STYXL2: variants seen among roughly 807,000 people sequenced by gnomAD.
The protein encoded by STYXL2 is serine/threonine/tyrosine interacting like 2, also known as serine/threonine/tyrosine-interacting-like protein 2.
A neutral mutation model predicts 52.4 loss-of-function variants in STYXL2; 44 were observed. That is an observed-to-expected ratio of 0.84 (90% CI 0.66 to 1.08). STYXL2 has a LOEUF of 1.08. Among genes scored for constraint, STYXL2 ranks in the 50% least tolerant of loss-of-function variants. The pLI is 0.00. For synonymous variants in STYXL2, 604 were observed against 586.9 expected (o/e 1.03, Z -0.42); for missense variants, 1,604 against 1,471.7 (o/e 1.09, Z -1.47).
chr1:167,117,209 G>A, intron 3 of STYXL2, 119 bp from the exon 4 acceptor site: 2 of 868,100 alleles, frequency 2.3e-6, no homozygotes, highest in South Asian at 1.7e-5. Context: ...GATCCTGCTG[G>A]CATTCAGTCC....
At chr1:167,108,470 T>C (rs1667550754) in intron 2 of STYXL2, among the ~76,000 whole-genome samples, 1 of 152,176 alleles carries the variant, frequency 6.6e-6, no homozygotes, top group African/African-American at 2.4e-5. Flanking sequence ...TGTTTGAAAA[T>C]GCATCTTTTC....
chr1:167,126,770 T>C lies in STYXL2; in HGVS notation c.1639T>C (p.Trp547Arg), dbSNP rs1667979929. ...GGACAAGCTCACTGCCCTGGAAAGA[T>C]GGAAGATCAAGAGAATCCAATTTGG... ...NKDKLTALER[W>R]KIKRIQFGFH... Residue 547 changes from tryptophan (W) to arginine (R), a missense_variant, in exon 6 of 6, where the codon TGG becomes CGG. By Grantham distance (101) the Trp-to-Arg change is moderately radical. Coordinates refer to ENST00000361200, the MANE Select transcript of STYXL2 (RefSeq NM_001080426.3). The C allele has an allele frequency of 2.5e-6, 4 of 1,613,922 alleles. No individual in the cohort carries two copies. Among genetic ancestry groups the C allele is most frequent in the South Asian group, 1.1e-5 (1 of 91,080 alleles).
intron 2 of STYXL2, among the ~76,000 whole-genome samples, chr1:167,097,191 G>A (rs935893840): frequency 1.3e-4 from 20 of 152,304 alleles, no homozygotes; most frequent in Middle Eastern, 3.4e-3. Context: ...CCACGTTGAA[G>A]ACATGTCTTC....
At chr1:167,124,627 C>G (rs1667923445) in intron 5 of STYXL2, among the ~76,000 whole-genome samples, 1 of 152,110 alleles carries the variant, frequency 6.6e-6, no homozygotes, top group African/African-American at 2.4e-5. Flanking sequence ...CGCAAAAGCT[C>G]CTGTAGGCTA....
intron 3 of STYXL2, among the ~76,000 whole-genome samples, chr1:167,115,790 T>C (rs1485750713): frequency 6.6e-6 from 1 of 152,140 alleles, no homozygotes; most frequent in Admixed American, 6.5e-5. Context: ...TCTTTCTGCG[T>C]TTGAAACGGA....
chr1:167,094,763 A>C (rs1667244655), intron 1 of STYXL2, 71 bp from the exon 2 acceptor site: 1 of 1,080,024 alleles, frequency 9.3e-7, no homozygotes, highest in Non-Finnish European at 1.4e-6. Context: ...GACATCACCA[A>C]CACAACTTCT....
chr1:167,098,562 A>G (rs1366813582), intron 2 of STYXL2, among the ~76,000 whole-genome samples: 3 of 152,212 alleles, frequency 2.0e-5, no homozygotes, highest in Non-Finnish European at 4.4e-5. Flanking sequence ...CATAACTTCA[A>G]ATTTTAGTGG....
At position 167,120,506 on chromosome 1, in the gene STYXL2, A is replaced by T. The variant is rs564094361; in HGVS notation, c.655+1040A>T. ...GCACAATAAATGCTTTAAAAATTAT[A>T]GCCATTGCTATAATAATATTGTTAA... is the stretch of plus-strand genomic sequence containing the variant. On this transcript the variant is annotated intron_variant, in intron 5 of 5. Transcript: ENST00000361200. Among the ~76,000 whole-genome samples, 285 of 152,368 alleles carry T rather than the reference A, an allele frequency of 1.9e-3. 1 individual carries two copies. The highest frequency in any genetic ancestry group is 6.3e-3 in the African/African-American group (264 of 41,580).
Position 167,126,778 on chromosome 1 carries a change from C to G in STYXL2, c.1647C>G (p.Ile549Met). The change falls in exon 6 of 6, where the codon ATC becomes ATG. Residue 549 changes from isoleucine (I) to methionine (M), a missense_variant. Transcript: ENST00000361200. ...DKLTALERWK[I>M]KRIQFGFHKK... ...TCACTGCCCTGGAAAGATGGAAGAT[C>G]AAGAGAATCCAATTTGGATTTCACA... 6.2e-7 allele frequency: 1 copy of G among 1,614,176 alleles called. No homozygotes were observed. The highest frequency in any genetic ancestry group is 8.5e-7 in the Non-Finnish European group (1 of 1,180,018).
Position 167,128,672 on chromosome 1 carries a change from G to C in STYXL2, c.*64G>C. 2 of 1,520,466 alleles carry C rather than the reference G, an allele frequency of 1.3e-6. No homozygotes were observed. Among genetic ancestry groups the C allele is most frequent in the Non-Finnish European group, 8.7e-7 (1 of 1,143,982 alleles). 94.2% of individuals were successfully genotyped at this position (1,520,466 alleles called of 1,614,324 possible). ...CGTTAGCATAGGGCTCAGGGCACAC[G>C]TTGCCACCACTCATCGCAGGATGAG... On this transcript the variant is annotated 3_prime_UTR_variant, in exon 6 of 6. Transcript: ENST00000361200.
chr1:167,106,449 T>C (rs1203156970), intron 2 of STYXL2, among the ~76,000 whole-genome samples: 1 of 152,216 alleles, frequency 6.6e-6, no homozygotes, highest in African/African-American at 2.4e-5. Context: ...CCTACAGTAA[T>C]ACAATAATTC....
Position 167,126,841 on chromosome 1 carries a change from C to T in STYXL2, c.1710C>T (p.Pro570=), listed in dbSNP as rs1333635258. The T allele has an allele frequency of 2.2e-5, 36 of 1,614,120 alleles. No homozygotes were observed. The highest frequency in any genetic ancestry group is 3.1e-5 in the Non-Finnish European group (36 of 1,180,016). The change falls in exon 6 of 6, where the codon CCC becomes CCT. Residue 570 remains proline (P), a synonymous_variant. Transcript: ENST00000361200. ...DLGAGDSSGE[P]GAEEAVGEKN... ...GAGCGGGAGACAGCAGCGGTGAGCC[C>T]GGTGCAGAGGAGGCAGTAGGGGAGA...
chr1:167,126,147 T>C lies in STYXL2; in HGVS notation c.1016T>C (p.Leu339Pro). 6.6e-7 allele frequency: 1 copy of C among 1,512,460 alleles called. No individual in the cohort carries two copies. The highest frequency in any genetic ancestry group is 1.4e-5 in the African/African-American group (1 of 71,790). 93.7% of individuals were successfully genotyped at this position (1,512,460 alleles called of 1,614,324 possible). A position where few individuals can be genotyped will look rare whatever the true frequency, so the allele number is the denominator to read the frequency against. ...LGKATQASKPLTLIDEEEEEK... is the reference protein window; with the variant it reads ...LGKATQASKPPTLIDEEEEEK... Reference sequence around the variant, plus strand: ...AAGGCCACCCAGGCCTCCAAGCCCCTCACCCTCATAGACGAGGAGGAGGAG... The same window carrying C: ...AAGGCCACCCAGGCCTCCAAGCCCCCCACCCTCATAGACGAGGAGGAGGAG... The change falls in exon 6 of 6, where the codon CTC becomes CCC. Residue 339 changes from leucine (L) to proline (P), a missense_variant. By Grantham distance (98) the Leu-to-Pro change is moderately conservative. Coordinates refer to ENST00000361200, the MANE Select transcript of STYXL2 (RefSeq NM_001080426.3).
chr1:167,096,891 T>A (rs1044444355), intron 2 of STYXL2, among the ~76,000 whole-genome samples: 3 of 152,324 alleles, frequency 2.0e-5, no homozygotes, highest in Admixed American at 2.0e-4. Context: ...CTGCTGCATA[T>A]GTAGTTCCAG....
chr1:167,110,370 G>C (rs188630842), intron 2 of STYXL2, among the ~76,000 whole-genome samples: 48 of 152,232 alleles, frequency 3.2e-4, no homozygotes, highest in African/African-American at 1.1e-3. Context: ...TCCAAACCAA[G>C]AAGAAATCTC....
chr1:167,115,633 A>T (rs749221351), intron 3 of STYXL2, among the ~76,000 whole-genome samples: 1 of 152,218 alleles, frequency 6.6e-6, no homozygotes, highest in Non-Finnish European at 1.5e-5. Flanking sequence ...AGGGAAAGAC[A>T]TCTAAGTAGA....
chr1:167,103,127 A>G (rs1357364555), intron 2 of STYXL2, among the ~76,000 whole-genome samples: 7 of 151,836 alleles, frequency 4.6e-5, no homozygotes, highest in African/African-American at 1.7e-4. Context: ...AATCTCTGCC[A>G]CTCCTTCAAA....
chr1:167,107,871 G>A (rs912456089), intron 2 of STYXL2, among the ~76,000 whole-genome samples: 2 of 152,184 alleles, frequency 1.3e-5, no homozygotes, highest in African/African-American at 2.4e-5. Context: ...GATCAAGGAA[G>A]ACTTCCCTAA....
At chr1:167,104,474 G>A (rs890095223) in intron 2 of STYXL2, among the ~76,000 whole-genome samples, 5 of 152,062 alleles carry the variant, frequency 3.3e-5, no homozygotes, top group East Asian at 3.9e-4. Flanking sequence ...TTCCTGTGGC[G>A]AGCAAGCATC....
Sources: allele counts gnomAD v4.1 joint callset (sites outside exome capture counted in the v4.1 genomes callset), GRCh38; gene constraint gnomAD v4.1.1; transcripts MANE v1.5; gene names NCBI Gene and HGNC (gene_info 2026-07-23, HGNC 2026-07-21).